Variants in TNKS observed in about 807,000 individuals in gnomAD.
TNKS encodes poly [ADP-ribose] polymerase tankyrase-1.
Under a neutral mutation model 135.8 loss-of-function variants are expected in TNKS, and 72 were observed. The observed-to-expected ratio is 0.53, with a 90% confidence interval of 0.44 to 0.64. TNKS has a LOEUF of 0.64. TNKS is among the 30% of genes least tolerant of loss of function. The probability of loss-of-function intolerance (pLI) is 0.00; values close to 1 mark genes in which losing one functional copy is unlikely to be tolerated. For missense variants in TNKS, 1,769 were observed against 1,674.0 expected (o/e 1.06, Z -0.99); for synonymous variants, 849 against 649.3 (o/e 1.31, Z -4.68).
At chr8:9,653,256 C>G (rs1380551554) in intron 3 of TNKS, among the ~76,000 whole-genome samples, 3 of 152,122 alleles carry the variant, frequency 2.0e-5, no homozygotes, top group African/African-American at 7.2e-5. Flanking sequence ...CTAACCACAT[C>G]AAGCAAAGAT....
intron 11 of TNKS, among the ~76,000 whole-genome samples, chr8:9,713,680 A>G (rs1294245820): frequency 2.0e-5 from 3 of 152,166 alleles, no homozygotes; most frequent in African/African-American, 7.2e-5. Context: ...AGAGTTATGA[A>G]CCCATAGATA....
intron 3 of TNKS, among the ~76,000 whole-genome samples, chr8:9,644,701 G>A (rs147987448): frequency 4.9e-4 from 75 of 152,184 alleles, no homozygotes; most frequent in African/African-American, 1.6e-3. Flanking sequence ...TGCTTTGTGC[G>A]TTGTTCCTTT....
At chr8:9,691,315 T>G (rs939166318) in intron 5 of TNKS, among the ~76,000 whole-genome samples, 2 of 152,348 alleles carry the variant, frequency 1.3e-5, no homozygotes, top group East Asian at 1.9e-4. Flanking sequence ...GCTTCTGTTA[T>G]GAAGGAGTTC....
intron 11 of TNKS, among the ~76,000 whole-genome samples, chr8:9,710,948 A>G (rs556423787): frequency 3.0e-4 from 46 of 152,238 alleles, no homozygotes; most frequent in African/African-American, 1.1e-3. Flanking sequence ...CAACCTCTAC[A>G]CTAAAGAAAT....
chr8:9,647,878 G>A lies in TNKS; in HGVS notation c.995-32073G>A, dbSNP rs760567416. The stretch of plus-strand genomic sequence containing the variant: ...CTTACACAAACCTAGATGGTATAGC[G>A]TACTACACACATAAGCTATATGGTA... On this transcript the variant is annotated intron_variant, in intron 3 of 26. Coordinates refer to ENST00000310430, the MANE Select transcript of TNKS (RefSeq NM_003747.3). 1.3e-5 allele frequency among the ~76,000 whole-genome samples: 2 copies of A among 152,124 alleles called. 1 individual carries two copies. The highest frequency in any genetic ancestry group is 4.1e-4 in the South Asian group (2 of 4,828).
intron 1 of TNKS, among the ~76,000 whole-genome samples, chr8:9,563,729 C>T (rs1241835864): frequency 6.6e-6 from 1 of 151,986 alleles, no homozygotes; most frequent in African/African-American, 2.4e-5. Context: ...TTCTCGTATT[C>T]TCTTTTAGCT....
At chr8:9,599,433 A>G (rs2128758213) in intron 2 of TNKS, among the ~76,000 whole-genome samples, 1 of 152,326 alleles carries the variant, frequency 6.6e-6, no homozygotes, top group South Asian at 2.1e-4. Flanking sequence ...GGAAATTAAG[A>G]TTGGCAGTGG....
Position 9,699,288 on chromosome 8 carries a change from A to G in TNKS, c.1108-5375A>G, listed in dbSNP as rs73529194. Among the ~76,000 whole-genome samples, 558 of 152,364 alleles carry G rather than the reference A, an allele frequency of 3.7e-3. 6 individuals carry two copies. The highest frequency in any genetic ancestry group is 0.012 in the African/African-American group (517 of 41,594). On this transcript the variant is annotated intron_variant, in intron 5 of 26. Transcript: ENST00000310430. ...TGCTTTGCCATTTGGCAGTTGAGAT[A>G]TAAATTTGGCACTATGTGGTAACCA...
At chr8:9,691,412 C>G (rs1011778887) in intron 5 of TNKS, among the ~76,000 whole-genome samples, 12 of 152,282 alleles carry the variant, frequency 7.9e-5, no homozygotes, top group African/African-American at 2.9e-4. Flanking sequence ...GATCAGAATG[C>G]TAAAGTTGTC....
intron 1 of TNKS, among the ~76,000 whole-genome samples, chr8:9,579,357 C>T (rs1301170222): frequency 6.6e-6 from 1 of 152,192 alleles, no homozygotes; most frequent in African/African-American, 2.4e-5. Flanking sequence ...TTTGACCAAG[C>T]GTTCACCATG....
chr8:9,743,920 G>A (rs1806099214), intron 17 of TNKS, among the ~76,000 whole-genome samples: 1 of 152,176 alleles, frequency 6.6e-6, no homozygotes, highest in Non-Finnish European at 1.5e-5. Context: ...TGACTAGGCT[G>A]AGGATGAAAT....
chr8:9,751,444 A>T (rs556130581), intron 18 of TNKS, among the ~76,000 whole-genome samples, 165 bp from the exon 19 acceptor site: 1 of 152,360 alleles, frequency 6.6e-6, no homozygotes, highest in Admixed American at 6.5e-5. Context: ...GAAACTATTG[A>T]AACTCTTTGG....
intron 2 of TNKS, among the ~76,000 whole-genome samples, chr8:9,587,605 T>C (rs1798436255): frequency 6.6e-6 from 1 of 152,042 alleles, no homozygotes; most frequent in African/African-American, 2.4e-5. Flanking sequence ...GGTTTCACCA[T>C]GTTAGCCAGG....
chr8:9,762,981 A>G (rs1807228690), intron 21 of TNKS, among the ~76,000 whole-genome samples, 166 bp from the exon 22 acceptor site: 2 of 150,126 alleles, frequency 1.3e-5, no homozygotes, highest in African/African-American at 4.9e-5. Flanking sequence ...CTTTGAGTAT[A>G]TTTGTTTAAA....
chr8:9,753,373 G>A (rs11995313), intron 20 of TNKS, among the ~76,000 whole-genome samples: 1 of 152,164 alleles, frequency 6.6e-6, no homozygotes, highest in Non-Finnish European at 1.5e-5. Context: ...TGAAGTTTCT[G>A]TTGTCCACTT....
chr8:9,740,823 G>GTTTTTTTTTTTTTTT (rs565849400), intron 17 of TNKS: 1 of 60,496 alleles, frequency 1.7e-5, no homozygotes. Flanking sequence ...TGTAATTCTT[G>GTTTTTTTTTTTTTTT]TTGTTTTTTT....
chr8:9,675,137 A>T (rs1016128976), intron 3 of TNKS, among the ~76,000 whole-genome samples: 3 of 152,214 alleles, frequency 2.0e-5, no homozygotes, highest in African/African-American at 7.2e-5. Flanking sequence ...TCTTGAGATT[A>T]GATTACTTCC....
At chr8:9,584,037 G>A (rs186025327) in intron 2 of TNKS, among the ~76,000 whole-genome samples, 5 of 151,434 alleles carry the variant, frequency 3.3e-5, no homozygotes, top group African/African-American at 9.7e-5. Context: ...GGTGGTGGGC[G>A]CCTGTAGTCC....
chr8:9,691,235 T>A lies in TNKS; in HGVS notation c.1107+10435T>A, dbSNP rs762637934. ...ATCCTGCACTGGGAAGGAGGCAGAA[T>A]CAATTATTCTTTCCAATTTCAATAT... is the stretch of plus-strand genomic sequence containing the variant. On this transcript the variant is annotated intron_variant, in intron 5 of 26. Transcript: ENST00000310430. Among the ~76,000 whole-genome samples the A allele has an allele frequency of 8.0e-5, 12 of 150,306 alleles. No individual in the cohort carries two copies. The Admixed American group carries it at 8.1e-4, about 10-fold the overall frequency.
Sources: allele counts gnomAD v4.1 joint callset (sites outside exome capture counted in the v4.1 genomes callset), GRCh38; gene constraint gnomAD v4.1.1; transcripts MANE v1.5; gene names NCBI Gene and HGNC (gene_info 2026-07-23, HGNC 2026-07-21).